The following SETD2 variants were observed in gnomAD, a reference collection of about 807,000 sequenced individuals.
SETD2 encodes SET domain containing 2, histone lysine methyltransferase, also known as histone-lysine N-methyltransferase SETD2.
Under a neutral mutation model 242.1 loss-of-function variants are expected in SETD2, and 31 were observed. The observed-to-expected ratio is 0.13, with a 90% CI of 0.10 to 0.17. The LOEUF (loss-of-function observed/expected upper bound fraction) is 0.17, where lower values mean the gene tolerates loss of function less well. Among genes scored for constraint, SETD2 ranks in the 10% least tolerant of loss-of-function variants. SETD2 has a pLI of 1.00. For missense variants in SETD2, 2,481 were observed against 3,046.3 expected (o/e 0.81, Z 4.37); for synonymous variants, 1,006 against 1,066.5 (o/e 0.94, Z 1.11).
intron 1 of SETD2, among the ~76,000 whole-genome samples, chr3:47,155,498 G>C (rs2044106568): frequency 6.6e-6 from 1 of 152,146 alleles, no homozygotes; most frequent in Non-Finnish European, 1.5e-5. Context: ...TTTCCTGAAA[G>C]TTTAAAATTT....
In SETD2 at chr3:47,121,677, C is replaced by T. The variant is rs759593227; in HGVS notation, c.2959G>A (p.Gly987Arg). 14 of 1,613,992 alleles carry T rather than the reference C, an allele frequency of 8.7e-6. No homozygotes were observed. The highest frequency in any genetic ancestry group is 1.3e-5 in the African/African-American group (1 of 75,036). The part of the protein sequence containing the change: ...PEISLDERGE[G>R]GHVHTSDDSE... ...TCATCAGAAGTATGCACATGTCCTCCTTCTCCTCTTTCATCTAAAGAGATT... is the reference window on the plus strand; with the variant it reads ...TCATCAGAAGTATGCACATGTCCTCTTTCTCCTCTTTCATCTAAAGAGATT... The change falls in exon 3 of 21, where the codon GGA becomes AGA. Residue 987 changes from glycine to arginine, a missense_variant. By Grantham distance (125) the Gly-to-Arg change is moderately radical. Transcript: ENST00000409792.
chr3:47,164,428 T>C (rs1201763332), upstream of SETD2: 5 of 152,306 alleles, frequency 3.3e-5, no homozygotes, highest in Non-Finnish European at 7.3e-5. The surrounding 1 kb of genome is among the most constrained non-coding windows in gnomAD (Gnocchi z 5.4). Flanking sequence ...CCCGGCCCGC[T>C]ACCGTGTCAC....
At chr3:47,074,387 T>C (rs1457879484) in intron 12 of SETD2, among the ~76,000 whole-genome samples, 1 of 152,166 alleles carries the variant, frequency 6.6e-6, no homozygotes, top group Non-Finnish European at 1.5e-5. Flanking sequence ...ATAGCCTGTT[T>C]TTAAAACTAA....
intron 5 of SETD2, 59 bp downstream of exon 5, chr3:47,113,817 T>C (rs2042749979): frequency 6.5e-7 from 1 of 1,546,644 alleles, no homozygotes; most frequent in Admixed American, 1.9e-5. Context: ...CCAGTCTGGG[T>C]GAAAGAGTGA....
chr3:47,037,264 A>G (rs1236954842), intron 18 of SETD2, among the ~76,000 whole-genome samples: 1 of 143,010 alleles, frequency 7.0e-6, no homozygotes, highest in Non-Finnish European at 1.5e-5. Context: ...ATATCTCCTA[A>G]TGCTATCCCT....
intron 4 of SETD2, among the ~76,000 whole-genome samples, chr3:47,115,203 G>T (rs926434698): frequency 6.6e-6 from 1 of 152,158 alleles, no homozygotes; most frequent in Non-Finnish European, 1.5e-5. Flanking sequence ...GTTGCTGGAG[G>T]ATGAAAAGAC....
At chr3:47,075,598 A>G (rs1330831536) in intron 12 of SETD2, among the ~76,000 whole-genome samples, 1 of 151,752 alleles carries the variant, frequency 6.6e-6, no homozygotes, top group African/African-American at 2.4e-5. Flanking sequence ...AGAAGAATCT[A>G]AAAAGTATTT....
intron 1 of SETD2, among the ~76,000 whole-genome samples, chr3:47,136,822 C>T (rs576260529): frequency 2.6e-5 from 4 of 152,206 alleles, no homozygotes; most frequent in Middle Eastern, 3.4e-3. Flanking sequence ...GGCATGATAG[C>T]GGGTGCCTGT....
intron 2 of SETD2, among the ~76,000 whole-genome samples, chr3:47,125,615 G>A (rs2106737281): frequency 6.6e-6 from 1 of 152,324 alleles, no homozygotes; most frequent in Admixed American, 6.5e-5. Context: ...TTCCTGGAGA[G>A]TACTCTGCCT....
At chr3:47,151,638 G>A (rs2043986760) in intron 1 of SETD2, among the ~76,000 whole-genome samples, 1 of 151,970 alleles carries the variant, frequency 6.6e-6, no homozygotes, top group African/African-American at 2.4e-5. Context: ...GACCAGCCTA[G>A]CCAACATAGT....
Position 47,046,535 on chromosome 3 carries a change from T to C in SETD2, c.7050A>G (p.Ala2350=). ...HPQGVVVQPA[A]AVTTIVAPGQ... Reference sequence around the variant, plus strand: ...CTGGTGCAACTATTGTAGTCACTGCTGCGGCTGGCTGTACCACCACTCCTT... The same window carrying C: ...CTGGTGCAACTATTGTAGTCACTGCCGCGGCTGGCTGTACCACCACTCCTT... Residue 2350 remains alanine (A), a synonymous_variant, in exon 16 of 21, where the codon GCA becomes GCG. Coordinates refer to ENST00000409792, the MANE Select transcript of SETD2 (RefSeq NM_014159.7). 6.2e-7 allele frequency: 1 copy of C among 1,613,390 alleles called. No homozygotes were observed. Among genetic ancestry groups the C allele is most frequent in the Non-Finnish European group, 8.5e-7 (1 of 1,179,552 alleles).
intron 8 of SETD2, among the ~76,000 whole-genome samples, chr3:47,100,394 G>A (rs1251295579): frequency 6.6e-6 from 1 of 151,920 alleles, no homozygotes; most frequent in Admixed American, 6.6e-5. Context: ...CAGAGTAGCT[G>A]GGATTACAGG....
chr3:47,163,741 CG>C, intron 1 of SETD2, 112 bp downstream of exon 1: 1 of 1,091,740 alleles, frequency 9.2e-7, no homozygotes, highest in Non-Finnish European at 1.2e-6. Flanking sequence ...GCGAGGCCAC[CG>C]TGGGCCTGTT....
intron 15 of SETD2, 45 bp downstream of exon 15, chr3:47,056,776 T>C (rs2040099277): frequency 1.3e-6 from 2 of 1,514,864 alleles, no homozygotes; most frequent in African/African-American, 1.4e-5. Flanking sequence ...TAACATCCCA[T>C]GAACAGACCA....
chr3:47,049,201 C>T (rs1388492976), intron 15 of SETD2, among the ~76,000 whole-genome samples: 1 of 151,450 alleles, frequency 6.6e-6, no homozygotes, highest in African/African-American at 2.4e-5. Context: ...GCCTTGGCCT[C>T]CCAGATTGCT....
At chr3:47,044,200 A>G (rs7610620) in intron 16 of SETD2, among the ~76,000 whole-genome samples, 98,683 of 151,146 alleles carry the variant, frequency 0.65, 32,628 homozygotes, top group African/African-American at 0.76. Context: ...AGTATTAGCC[A>G]GGTGTGGTGG....
At chr3:47,160,467 A>AT (rs3036093) in intron 1 of SETD2, among the ~76,000 whole-genome samples, 18,676 of 142,708 alleles carry the variant, frequency 0.13, 2,598 homozygotes, top group African/African-American at 0.34. Context: ...CACCAGACTA[A>AT]TTTTTTTTTT....
chr3:47,070,421 A>G (rs968263375), intron 12 of SETD2, among the ~76,000 whole-genome samples: 4 of 152,170 alleles, frequency 2.6e-5, no homozygotes, highest in African/African-American at 9.7e-5. Context: ...TAAGCTGGCA[A>G]CTCAAATTAC....
At chr3:47,110,595 C>T (rs1341276233) in intron 5 of SETD2, among the ~76,000 whole-genome samples, 1 of 152,150 alleles carries the variant, frequency 6.6e-6, no homozygotes, top group Non-Finnish European at 1.5e-5. Context: ...AGTAACTTAG[C>T]TCCAAATAAT....
Sources: allele counts gnomAD v4.1 joint callset (sites outside exome capture counted in the v4.1 genomes callset), GRCh38; gene constraint gnomAD v4.1.1; non-coding constraint Gnocchi (gnomAD v3.1); transcripts MANE v1.5; gene names NCBI Gene and HGNC (gene_info 2026-07-23, HGNC 2026-07-21).